Variants in CPSF6 observed in about 807,000 individuals in gnomAD.
The protein encoded by CPSF6 is cleavage and polyadenylation specific factor 6.
In CPSF6, 10 loss-of-function variants were observed where a neutral mutation model predicts 56.7. That is an observed-to-expected ratio of 0.18 (90% CI 0.11 to 0.30). The LOEUF (loss-of-function observed/expected upper bound fraction) is 0.30, where lower values mean the gene tolerates loss of function less well. CPSF6 is among the 10% of genes least tolerant of loss of function. The pLI, the probability that CPSF6 is intolerant of heterozygous loss-of-function variation, is 1.00. For missense variants in CPSF6, 419 were observed against 722.9 expected (o/e 0.58, Z 4.82); for synonymous variants, 248 against 244.8 (o/e 1.01, Z -0.12).
chr12:69,273,237 A>T lies in CPSF6; in HGVS notation c.*3729A>T. The T allele has an allele frequency of 2.1e-6, 1 of 481,408 alleles. No homozygotes were observed. The highest frequency in any genetic ancestry group is 4.2e-6 in the Non-Finnish European group (1 of 239,256). The allele number at this position is 481,408 out of a possible 1,614,324, so 29.8% of individuals were successfully genotyped here. A position where few individuals can be genotyped will look rare whatever the true frequency, so the allele number is the denominator to read the frequency against. Reference sequence around the variant, plus strand: ...TGAATATTCTAAATATTCAGGCAACACTGTTCAGATTGATTTAGGTTTGTC... The same window carrying T: ...TGAATATTCTAAATATTCAGGCAACTCTGTTCAGATTGATTTAGGTTTGTC... On this transcript the variant is annotated 3_prime_UTR_variant, in exon 10 of 10. Transcript: ENST00000435070.
intron 2 of CPSF6, 46 bp downstream of exon 2, chr12:69,251,384 G>T (rs962046469): frequency 1.6e-6 from 2 of 1,228,630 alleles, no homozygotes; most frequent in Middle Eastern, 2.7e-4. Flanking sequence ...AATTGATTTT[G>T]AACTGCTCTA....
chr12:69,252,586 A>G (rs1872304386), intron 2 of CPSF6, among the ~76,000 whole-genome samples: 1 of 152,182 alleles, frequency 6.6e-6, no homozygotes, highest in Non-Finnish European at 1.5e-5. Flanking sequence ...GGGTATAATA[A>G]TAGTGCTTAT....
rs1413117697 is a variant in CPSF6, at chr12:69,272,454, T to C, written c.*2946T>C. 6.6e-6 allele frequency: 1 copy of C among 151,714 alleles called. No individual in the cohort carries two copies. Among genetic ancestry groups the C allele is most frequent in the Non-Finnish European group, 1.5e-5 (1 of 67,660 alleles). 9.4% of individuals were successfully genotyped at this position (151,714 alleles called of 1,614,324 possible). A position where few individuals can be genotyped will look rare whatever the true frequency, so the allele number is the denominator to read the frequency against. On this transcript the variant is annotated 3_prime_UTR_variant, in exon 10 of 10. Transcript: ENST00000435070. ...TGTGGAAAGGGCAAAGACTTTCTCT[T>C]TCCCTTATGTATTTAACTGTGCCAA...
rs149058445 is a variant in CPSF6 at position 69,265,985 on chromosome 12, C to G, written c.*3+3423C>G. 9.2e-4 allele frequency among the ~76,000 whole-genome samples: 134 copies of G among 146,292 alleles called. 2 individuals are homozygous for G. In the Middle Eastern group the frequency reaches 0.015, roughly 16 times the overall value. On this transcript the variant is annotated intron_variant, in intron 9 of 9. Coordinates refer to ENST00000435070, the MANE Select transcript of CPSF6 (RefSeq NM_007007.3). ...TTGTTATTGCCCAAGATTTAGGATG[C>G]TTTGCATTGTGTATTCAGCTTATTA...
At chr12:69,242,174 T>G (rs941592561) in intron 1 of CPSF6, among the ~76,000 whole-genome samples, 37 of 150,832 alleles carry the variant, frequency 2.5e-4, no homozygotes, top group African/African-American at 6.3e-4. Flanking sequence ...AGTTTTGACT[T>G]ACTTTGGCTT....
intron 1 of CPSF6, among the ~76,000 whole-genome samples, chr12:69,241,191 TTAAATG>T (rs1871598556): frequency 6.6e-6 from 1 of 152,246 alleles, no homozygotes; most frequent in South Asian, 2.1e-4. Flanking sequence ...CTGGATTTGT[TTAAATG>T]TAATACATTG....
intron 9 of CPSF6, among the ~76,000 whole-genome samples, chr12:69,263,101 T>G (rs1872819606): frequency 6.6e-6 from 1 of 152,078 alleles, no homozygotes; most frequent in Non-Finnish European, 1.5e-5. Flanking sequence ...AAAAAATTTT[T>G]TTTTTTAGAA....
intron 1 of CPSF6, among the ~76,000 whole-genome samples, chr12:69,240,034 C>T (rs1364296922): frequency 6.6e-6 from 1 of 151,478 alleles, no homozygotes; most frequent in Admixed American, 6.6e-5. Context: ...GCGCTAGGCC[C>T]GGGCGGTGGG....
rs1003947625 is a variant in CPSF6, at chr12:69,244,481, C to T, written c.60+4775C>T. 2.0e-5 allele frequency among the ~76,000 whole-genome samples: 3 copies of T among 152,162 alleles called. No individual in the cohort carries two copies. The East Asian group carries it at 5.8e-4, about 29-fold the overall frequency. On this transcript the variant is annotated intron_variant, in intron 1 of 9. Transcript: ENST00000435070. Reference sequence around the variant, plus strand: ...TCAAGTGATCCTCTTGCCTTGGCTTCCCAAAGCGCTGGGATTACAGGCATG... The same window carrying T: ...TCAAGTGATCCTCTTGCCTTGGCTTTCCAAAGCGCTGGGATTACAGGCATG...
chr12:69,272,012 G>T lies in CPSF6; in HGVS notation c.*2504G>T, dbSNP rs553898774. 1 of 151,732 alleles carries T rather than the reference G, an allele frequency of 6.6e-6. No individual in the cohort carries two copies. Among genetic ancestry groups the T allele is most frequent in the East Asian group, 1.9e-4 (1 of 5,176 alleles). 9.4% of individuals were successfully genotyped at this position (151,732 alleles called of 1,614,324 possible). A position where few individuals can be genotyped will look rare whatever the true frequency, so the allele number is the denominator to read the frequency against. On this transcript the variant is annotated 3_prime_UTR_variant, in exon 10 of 10. Coordinates refer to ENST00000435070, the MANE Select transcript of CPSF6 (RefSeq NM_007007.3). ...GTGCTATACAGTCACATTCCTTTCA[G>T]CCAGTAGTAAAGTTAAACAGATGAG...
In CPSF6 at chr12:69,270,020, T is replaced by C. The variant is rs1331134826; in HGVS notation, c.*512T>C. 1.3e-5 allele frequency: 2 copies of C among 152,316 alleles called. No homozygotes were observed. Among genetic ancestry groups the C allele is most frequent in the African/African-American group, 4.8e-5 (2 of 41,424 alleles). The allele number at this position is 152,316 out of a possible 1,614,324, so 9.4% of individuals were successfully genotyped here. On this transcript the variant is annotated 3_prime_UTR_variant, in exon 10 of 10. Transcript: ENST00000435070. ...TGTTCAGCAATATCTAAAGATAATG[T>C]TACTATGACAACATTTTTACTGTCC...
chr12:69,266,998 A>G (rs1264290071), intron 9 of CPSF6, among the ~76,000 whole-genome samples: 1 of 152,112 alleles, frequency 6.6e-6, no homozygotes, highest in Non-Finnish European at 1.5e-5. Context: ...TTTTGATTTT[A>G]GAGTTAACTC....
At position 69,256,805 on chromosome 12, in the gene CPSF6, A is replaced by G; in HGVS notation, c.483A>G (p.Lys161=). 6.2e-7 allele frequency: 1 copy of G among 1,613,130 alleles called. No individual in the cohort carries two copies. The highest frequency in any genetic ancestry group is 8.5e-7 in the Non-Finnish European group (1 of 1,179,692). The change falls in exon 4 of 10, where the codon AAA becomes AAG. Residue 161 remains lysine (K), a synonymous_variant. Transcript: ENST00000435070. ...ATCCTGTTGTAACTCCATGCAATAAACAGTTCCTGAGTCAATTTGAAATGC... is the reference window on the plus strand; with the variant it reads ...ATCCTGTTGTAACTCCATGCAATAAGCAGTTCCTGAGTCAATTTGAAATGC... The part of the protein sequence containing the change: ...GQNPVVTPCN[K]QFLSQFEMQS...
At chr12:69,266,502 T>C (rs1872990112) in intron 9 of CPSF6, among the ~76,000 whole-genome samples, 1 of 152,256 alleles carries the variant, frequency 6.6e-6, no homozygotes, top group Non-Finnish European at 1.5e-5. Flanking sequence ...TGAGTCATCT[T>C]GCTCTCTCAC....
At chr12:69,251,013 A>C in intron 1 of CPSF6, 116 bp from the exon 2 acceptor site, 1 of 994,916 alleles carries the variant, frequency 1.0e-6, no homozygotes, top group Non-Finnish European at 1.4e-6. Flanking sequence ...ATTTGTACTG[A>C]AATCCTTGGC....
In CPSF6 at chr12:69,262,522, G is replaced by A. The variant is rs755175851; in HGVS notation, c.1619G>A (p.Arg540Gln). 6 of 1,613,368 alleles carry A rather than the reference G, an allele frequency of 3.7e-6. No individual in the cohort carries two copies. Among genetic ancestry groups the A allele is most frequent in the Non-Finnish European group, 4.2e-6 (5 of 1,179,438 alleles). Residue 540 changes from arginine to glutamine, a missense_variant, in exon 9 of 10, where the codon CGA becomes CAA. Coordinates refer to ENST00000435070, the MANE Select transcript of CPSF6 (RefSeq NM_007007.3). ...RHRDRDRDRD[R>Q]ERDREREYRH... ...CGGGATCGTGACCGAGACCGTGACC[G>A]AGAGCGTGACCGAGAGCGCGAATAT...
intron 1 of CPSF6, among the ~76,000 whole-genome samples, chr12:69,250,889 C>T (rs1214744767): frequency 6.6e-6 from 1 of 152,102 alleles, no homozygotes; most frequent in East Asian, 1.9e-4. Flanking sequence ...TCAAGTGATC[C>T]ACCTGCCTCG....
chr12:69,249,809 A>AT (rs1486600624), intron 1 of CPSF6, among the ~76,000 whole-genome samples: 1 of 151,836 alleles, frequency 6.6e-6, no homozygotes, highest in Non-Finnish European at 1.5e-5. Flanking sequence ...ACCCTCTTCT[A>AT]TTTTTTTCCT....
In CPSF6 at chr12:69,239,768, C is replaced by G. The variant is rs565577712; in HGVS notation, c.60+62C>G. Reference sequence around the variant, plus strand: ...CGGCGCTGCGGCCGGGAAGCTGACCCGGGGCCCGCTGCGGCCGCGAGCCGA... The same window carrying G: ...CGGCGCTGCGGCCGGGAAGCTGACCGGGGGCCCGCTGCGGCCGCGAGCCGA... On this transcript the variant is annotated intron_variant, in intron 1 of 9. Coordinates refer to ENST00000435070, the MANE Select transcript of CPSF6 (RefSeq NM_007007.3). The G allele has an allele frequency of 7.1e-3, 10,377 of 1,471,512 alleles. 45 individuals are homozygous for G. The highest frequency in any genetic ancestry group is 7.8e-3 in the Non-Finnish European group (8,625 of 1,105,014). 91.2% of individuals were successfully genotyped at this position (1,471,512 alleles called of 1,614,324 possible).
Sources: allele counts gnomAD v4.1 joint callset (sites outside exome capture counted in the v4.1 genomes callset), GRCh38; gene constraint gnomAD v4.1.1; transcripts MANE v1.5; gene names NCBI Gene and HGNC (gene_info 2026-07-23, HGNC 2026-07-21).